CHD7: variants seen among roughly 807,000 people sequenced by gnomAD.
CHD7 encodes the protein ATP-dependent chromatin remodeler CHD7.
Under a neutral mutation model 307.3 loss-of-function variants are expected in CHD7, and 24 were observed. The ratio of observed to expected loss-of-function variants is 0.08; its 90% CI spans 0.06 to 0.11. CHD7 has a LOEUF of 0.11. CHD7 is among the 10% of genes least tolerant of loss of function. The probability of loss-of-function intolerance (pLI) is 1.00; values close to 1 mark genes in which losing one functional copy is unlikely to be tolerated. For synonymous variants in CHD7, 1,363 were observed against 1,349.9 expected (o/e 1.01, Z -0.21); for missense variants, 3,106 against 3,727.1 (o/e 0.83, Z 4.34).
chr8:60,772,987 G>A (rs983165944), intron 2 of CHD7, among the ~76,000 whole-genome samples: 8 of 152,164 alleles, frequency 5.3e-5, no homozygotes, highest in Admixed American at 3.3e-4. Flanking sequence ...GAGACCCTGC[G>A]TTTTGTTGGG....
rs201429444 is a variant in CHD7, at chr8:60,757,794, T to C, written c.1665+14697T>C. ...ACCAGAACTATTCTAGTTAATAAAA[T>C]GAGGCATGATTAGTATAAGAAAGAA... On this transcript the variant is annotated intron_variant, in intron 2 of 37. Coordinates refer to ENST00000423902, the MANE Select transcript of CHD7 (RefSeq NM_017780.4). 1.6e-3 allele frequency among the ~76,000 whole-genome samples: 248 copies of C among 152,354 alleles called. 1 individual carries two copies. Among genetic ancestry groups the C allele is most frequent in the African/African-American group, 5.8e-3 (243 of 41,592 alleles).
At chr8:60,807,304 A>G (rs1399017771) in intron 6 of CHD7, among the ~76,000 whole-genome samples, 1 of 152,218 alleles carries the variant, frequency 6.6e-6, no homozygotes, top group African/African-American at 2.4e-5. Flanking sequence ...GTAAGAGTGT[A>G]AAAGCAATCC....
rs753913368 is a variant in CHD7, at chr8:60,849,086, C to T, written c.5336C>T (p.Ala1779Val). The T allele has an allele frequency of 7.4e-6, 12 of 1,613,528 alleles. No homozygotes were observed. Among genetic ancestry groups the T allele is most frequent in the African/African-American group, 1.3e-5 (1 of 74,896 alleles). ...GTGTGGATCCCTGAACCTTTCCATG[C>T]TGAAGTTCCTGCAGATTGGTGGGAT... ...ADVWIPEPFHAEVPADWWDKE... is the reference protein window; with the variant it reads ...ADVWIPEPFHVEVPADWWDKE... Residue 1779 changes from alanine to valine, a missense_variant, in exon 25 of 38, where the codon GCT becomes GTT. Ala to Val is a moderately conservative substitution (Grantham distance 64). This residue lies in a region of CHD7 where 1,030 missense variants were observed against 1,165.4 expected (regional missense o/e 0.88). Transcript: ENST00000423902.
chr8:60,756,541 G>T (rs140493521), intron 2 of CHD7, among the ~76,000 whole-genome samples: 10 of 152,220 alleles, frequency 6.6e-5, no homozygotes, highest in Middle Eastern at 3.4e-3. Flanking sequence ...GGCCAGGCAC[G>T]GTGGTGTGCA....
chr8:60,849,117 A>T lies in CHD7; in HGVS notation c.5367A>T (p.Glu1789Asp), dbSNP rs1233584524. 2.5e-6 allele frequency: 4 copies of T among 1,613,476 alleles called. No individual in the cohort carries two copies. The Admixed American group carries it at 6.7e-5, about 27-fold the overall frequency. ...TTCCTGCAGATTGGTGGGATAAGGA[A>T]GCAGACAAATCCCTCTTAATTGGAG... The part of the protein sequence containing the change: ...AEVPADWWDK[E>D]ADKSLLIGVF... Residue 1789 changes from glutamate to aspartate, a missense_variant, in exon 25 of 38, where the codon GAA (glutamate) becomes GAT (aspartate). Transcript: ENST00000423902.
At chr8:60,692,013 A>G (rs902185053) in intron 1 of CHD7, among the ~76,000 whole-genome samples, 3 of 152,236 alleles carry the variant, frequency 2.0e-5, no homozygotes, top group Non-Finnish European at 4.4e-5. Context: ...AATTTTTATC[A>G]AGGTGCTTCT....
intron 37 of CHD7, chr8:60,863,154 C>G (rs1444381943): frequency 6.5e-6 from 1 of 154,410 alleles, no homozygotes; most frequent in African/African-American, 2.4e-5. Flanking sequence ...TTCTGTTGAT[C>G]TTAACACACG....
intron 1 of CHD7, among the ~76,000 whole-genome samples, chr8:60,691,660 A>C (rs1047703718): frequency 8.6e-5 from 13 of 151,600 alleles, no homozygotes; most frequent in Admixed American, 5.3e-4. Flanking sequence ...GTTCTTACCC[A>C]CTCCTCCCTT....
intron 3 of CHD7, among the ~76,000 whole-genome samples, chr8:60,787,440 G>C (rs1427038215): frequency 6.6e-6 from 1 of 152,160 alleles, no homozygotes; most frequent in Admixed American, 6.5e-5. Flanking sequence ...TTGGCACTTG[G>C]AAAGATACAC....
chr8:60,852,418 T>TG (rs1262553712), intron 29 of CHD7, 80 bp from the exon 30 acceptor site: 19 of 1,412,982 alleles, frequency 1.3e-5, no homozygotes, highest in African/African-American at 1.0e-4. Flanking sequence ...GTATAAAGTC[T>TG]GGGGGGAAGA....
chr8:60,802,097 T>C (rs1812340526), intron 6 of CHD7, among the ~76,000 whole-genome samples: 1 of 152,206 alleles, frequency 6.6e-6, no homozygotes, highest in South Asian at 2.1e-4. Context: ...CTATTTTCAG[T>C]GTAATTTTAA....
chr8:60,707,152 A>G (rs1371422107), intron 1 of CHD7, among the ~76,000 whole-genome samples: 2 of 152,226 alleles, frequency 1.3e-5, no homozygotes, highest in Non-Finnish European at 2.9e-5. Flanking sequence ...TCTGAATATG[A>G]TATAAAATCT....
chr8:60,844,580 A>T (rs1283173574), intron 21 of CHD7, among the ~76,000 whole-genome samples: 3 of 152,202 alleles, frequency 2.0e-5, no homozygotes, highest in Non-Finnish European at 4.4e-5. Flanking sequence ...CATGTCCTGA[A>T]AATTGCTGCT....
chr8:60,837,151 C>CAGAT, intron 17 of CHD7, 139 bp downstream of exon 17: 1 of 652,584 alleles, frequency 1.5e-6, no homozygotes, highest in Non-Finnish European at 2.5e-6. Flanking sequence ...AAATAACCAA[C>CAGAT]TAGTAATCTG....
intron 33 of CHD7, 21 bp downstream of exon 33, chr8:60,856,223 T>G (rs1405221307): frequency 1.3e-6 from 2 of 1,534,006 alleles, no homozygotes; most frequent in Admixed American, 2.0e-5. Context: ...ATGGCTTGTT[T>G]CTGCAGCTTA....
chr8:60,833,530 G>A (rs1013613311), intron 15 of CHD7, among the ~76,000 whole-genome samples: 2 of 152,082 alleles, frequency 1.3e-5, no homozygotes, highest in African/African-American at 2.4e-5. Flanking sequence ...TCTGGTAATC[G>A]TCAAGAACAA....
chr8:60,844,929 T>C lies in CHD7; in HGVS notation c.4916T>C (p.Val1639Ala), dbSNP rs1805140891. Reference protein sequence around the residue: ...RYKRQLTEQDVETICRTILVY... With the variant: ...RYKRQLTEQDAETICRTILVY... ...AAACGCCAACTCACTGAGCAAGATG[T>C]AGAAACCATCTGCAGAACCATCCTG... The change falls in exon 22 of 38, where the codon GTA becomes GCA. Residue 1639 changes from valine (V) to alanine (A), a missense_variant. Val to Ala is a moderately conservative substitution (Grantham distance 64). Transcript: ENST00000423902. 6.2e-7 allele frequency: 1 copy of C among 1,613,828 alleles called. No individual in the cohort carries two copies. Among genetic ancestry groups the C allele is most frequent in the Non-Finnish European group, 8.5e-7 (1 of 1,179,772 alleles).
chr8:60,799,863 AGG>A (rs1812210529), intron 4 of CHD7, among the ~76,000 whole-genome samples: 1 of 152,136 alleles, frequency 6.6e-6, no homozygotes, highest in South Asian at 2.1e-4. Flanking sequence ...TGGGAGTGGC[AGG>A]GCTACAGCTG....
chr8:60,768,689 T>C (rs1454287900), intron 2 of CHD7, among the ~76,000 whole-genome samples: 2 of 152,234 alleles, frequency 1.3e-5, no homozygotes, highest in Non-Finnish European at 2.9e-5. Flanking sequence ...AATTGCTATT[T>C]ACATTTCTGA....
Sources: gnomAD v4.1 joint callset for allele counts (sites outside exome capture counted in the v4.1 genomes callset) on GRCh38, gnomAD v4.1.1 for gene constraint, gnomAD v4.1.1 regional missense constraint, MANE v1.5 for transcripts, NCBI Gene and HGNC (gene_info 2026-07-23, HGNC 2026-07-21) for gene names.